The following NKAIN2 variants were observed in gnomAD, a reference collection of about 807,000 sequenced individuals.
NKAIN2 encodes the protein sodium/potassium transporting ATPase interacting 2.
Under a neutral mutation model 32.6 loss-of-function variants are expected in NKAIN2, and 14 were observed. The ratio of observed to expected loss-of-function variants is 0.43; its 90% confidence interval spans 0.28 to 0.67. NKAIN2 has a LOEUF of 0.67. Among genes scored for constraint, NKAIN2 ranks in the 30% least tolerant of loss-of-function variants. NKAIN2 has a pLI of 0.17. For missense variants in NKAIN2, 198 were observed against 258.3 expected (o/e 0.77, Z 1.60); for synonymous variants, 80 against 87.2 (o/e 0.92, Z 0.46).
At chr6:124,033,435 A>G (rs1329801216) in intron 1 of NKAIN2, among the ~76,000 whole-genome samples, 1 of 152,112 alleles carries the variant, frequency 6.6e-6, no homozygotes, top group Non-Finnish European at 1.5e-5. Context: ...GAAGAAAGCT[A>G]ACTATTGTGT....
At chr6:123,935,215 C>T (rs900123307) in intron 1 of NKAIN2, among the ~76,000 whole-genome samples, 1 of 148,742 alleles carries the variant, frequency 6.7e-6, no homozygotes, top group Non-Finnish European at 1.5e-5. Context: ...TTTACTTAAT[C>T]TTTCTTGTTT....
intron 5 of NKAIN2, among the ~76,000 whole-genome samples, chr6:124,810,208 C>A (rs1379414126): frequency 6.6e-6 from 1 of 151,864 alleles, no homozygotes. Context: ...GCACTATTCA[C>A]AATAGCAAAG....
chr6:124,510,896 C>T (rs1321365331), intron 3 of NKAIN2, among the ~76,000 whole-genome samples: 1 of 152,084 alleles, frequency 6.6e-6, no homozygotes, highest in Non-Finnish European at 1.5e-5. Flanking sequence ...TCTAACATTA[C>T]CTACCTATCA....
intron 1 of NKAIN2, among the ~76,000 whole-genome samples, chr6:123,982,961 C>T (rs1778964994): frequency 6.6e-6 from 1 of 151,820 alleles, no homozygotes; most frequent in African/African-American, 2.4e-5. Context: ...TCCTTCTTTC[C>T]TCCATTCTTT....
chr6:124,147,523 T>G (rs9482509), intron 1 of NKAIN2, among the ~76,000 whole-genome samples: 96,390 of 151,888 alleles, frequency 0.63, 30,768 homozygotes, highest in East Asian at 0.73. Context: ...GAAAGGTTCA[T>G]TTTTCCAATA....
At chr6:123,987,208 CATTTGAGTATTATAG>C (rs957065426) in intron 1 of NKAIN2, among the ~76,000 whole-genome samples, 2 of 152,044 alleles carry the variant, frequency 1.3e-5, no homozygotes, top group African/African-American at 4.8e-5. Context: ...GAGTATTAGA[CATTTGAGTATTATAG>C]CTTCAGTTTT....
intron 1 of NKAIN2, among the ~76,000 whole-genome samples, chr6:124,227,792 G>A (rs368339240): frequency 6.6e-6 from 1 of 152,158 alleles, no homozygotes; most frequent in South Asian, 2.1e-4. Flanking sequence ...GGGCAGATGG[G>A]CCTTCTGGAT....
chr6:124,469,755 G>A (rs1776899675), intron 3 of NKAIN2, among the ~76,000 whole-genome samples: 1 of 152,098 alleles, frequency 6.6e-6, no homozygotes, highest in Admixed American at 6.5e-5. Context: ...AAAAATCCCA[G>A]AGATCCACAA....
intron 1 of NKAIN2, among the ~76,000 whole-genome samples, chr6:123,979,406 T>C (rs1778790647): frequency 6.6e-6 from 1 of 152,164 alleles, no homozygotes; most frequent in Non-Finnish European, 1.5e-5. Context: ...CCTATTTATC[T>C]TCCCTATTTC....
chr6:123,974,853 T>C (rs774277275), intron 1 of NKAIN2, among the ~76,000 whole-genome samples: 6 of 152,196 alleles, frequency 3.9e-5, no homozygotes, highest in Non-Finnish European at 8.8e-5. Context: ...ACAACTCTTA[T>C]TAACATTTTG....
chr6:124,375,605 C>G (rs1799957761), intron 3 of NKAIN2, among the ~76,000 whole-genome samples: 1 of 151,718 alleles, frequency 6.6e-6, no homozygotes, highest in South Asian at 2.1e-4. Context: ...GGAAGCAGTA[C>G]AGACTTTATA....
At position 124,701,680 on chromosome 6, in the gene NKAIN2, G is replaced by A. The variant is rs984864345; in HGVS notation, c.474+43294G>A. Reference sequence around the variant, plus strand: ...TTTTATTTTTCTAATCAACAGGAGCGTACATACATTTACATGTGTTTCTCT... The same window carrying A: ...TTTTATTTTTCTAATCAACAGGAGCATACATACATTTACATGTGTTTCTCT... On this transcript the variant is annotated intron_variant, in intron 4 of 6. Coordinates refer to ENST00000368417, the MANE Select transcript of NKAIN2 (RefSeq NM_001040214.3). Among the ~76,000 whole-genome samples the A allele has an allele frequency of 2.0e-4, 30 of 152,108 alleles. 1 individual carries two copies. The highest frequency in any genetic ancestry group is 6.2e-4 in the South Asian group (3 of 4,818).
At chr6:123,837,087 A>G (rs1774660829) in intron 1 of NKAIN2, among the ~76,000 whole-genome samples, 1 of 152,118 alleles carries the variant, frequency 6.6e-6, no homozygotes, top group South Asian at 2.1e-4. Flanking sequence ...GAAATCACCC[A>G]TATTTTGTTT....
At chr6:124,102,047 A>C (rs1348204560) in intron 1 of NKAIN2, among the ~76,000 whole-genome samples, 2 of 152,222 alleles carry the variant, frequency 1.3e-5, no homozygotes, top group Non-Finnish European at 2.9e-5. Flanking sequence ...ACCAAGAGAC[A>C]ATTTTGGTAC....
intron 3 of NKAIN2, among the ~76,000 whole-genome samples, chr6:124,444,610 A>G (rs1006426320): frequency 1.3e-5 from 2 of 152,034 alleles, no homozygotes; most frequent in Non-Finnish European, 2.9e-5. Context: ...CTCAACTACA[A>G]AACTTTTCTA....
chr6:124,222,085 G>T lies in NKAIN2; in HGVS notation c.55-60920G>T, dbSNP rs183017752. Among the ~76,000 whole-genome samples the T allele has an allele frequency of 5.1e-4, 77 of 152,220 alleles. 1 individual carries two copies. Among genetic ancestry groups the T allele is most frequent in the African/African-American group, 1.8e-3 (75 of 41,546 alleles). On this transcript the variant is annotated intron_variant, in intron 1 of 6. Transcript: ENST00000368417. Reference sequence around the variant, plus strand: ...TACCTATCCCGTAAAGGATGATCTGGATAGGCAGCTGGTGATAGATAATGT... The same window carrying T: ...TACCTATCCCGTAAAGGATGATCTGTATAGGCAGCTGGTGATAGATAATGT...
intron 4 of NKAIN2, 91 bp from the exon 5 acceptor site, chr6:124,791,248 G>A: frequency 4.5e-6 from 4 of 892,930 alleles, no homozygotes; most frequent in Middle Eastern, 2.3e-4. Flanking sequence ...AAGTCTGGTT[G>A]TAAACTGCCT....
In NKAIN2 at chr6:124,643,664, G is replaced by A. The variant is rs75743287; in HGVS notation, c.274-14522G>A. On this transcript the variant is annotated intron_variant, in intron 3 of 6. Coordinates refer to ENST00000368417, the MANE Select transcript of NKAIN2 (RefSeq NM_001040214.3). Reference sequence around the variant, plus strand: ...TATGGTATAGGAATTATTAATATTTGTGTAACTAACTTGATAACTCTAGGC... The same window carrying A: ...TATGGTATAGGAATTATTAATATTTATGTAACTAACTTGATAACTCTAGGC... Among the ~76,000 whole-genome samples the A allele has an allele frequency of 3.1e-3, 478 of 152,192 alleles. 2 individuals are homozygous for A. Among genetic ancestry groups the A allele is most frequent in the African/African-American group, 0.011 (457 of 41,518 alleles).
At chr6:123,808,434 G>A (rs1247950469) in intron 1 of NKAIN2, among the ~76,000 whole-genome samples, 2 of 152,072 alleles carry the variant, frequency 1.3e-5, no homozygotes, top group African/African-American at 4.8e-5. Flanking sequence ...CTTTTTAAAT[G>A]TTTTCTATTT....
Sources: gnomAD v4.1 joint callset for allele counts (sites outside exome capture counted in the v4.1 genomes callset) on GRCh38, gnomAD v4.1.1 for gene constraint, MANE v1.5 for transcripts, NCBI Gene and HGNC (gene_info 2026-07-23, HGNC 2026-07-21) for gene names.